FAM193A: variants seen among roughly 807,000 people sequenced by gnomAD.
The protein encoded by FAM193A is protein FAM193A.
FAM193A carries 22 observed loss-of-function variants against 126.5 expected under a neutral mutation model. That is an observed-to-expected ratio of 0.17 (90% confidence interval 0.12 to 0.25). FAM193A has a LOEUF of 0.25. Ranked by LOEUF, FAM193A falls within the 10% of genes least tolerant of loss-of-function variation. FAM193A has a pLI of 1.00. For missense variants in FAM193A, 1,675 were observed against 1,672.8 expected (o/e 1.00, Z -0.02); for synonymous variants, 761 against 646.8 (o/e 1.18, Z -2.68).
chr4:2,548,683 C>T (rs142810238), intron 1 of FAM193A, among the ~76,000 whole-genome samples: 98 of 151,916 alleles, frequency 6.5e-4, no homozygotes, highest in African/African-American at 2.2e-3. Flanking sequence ...TCTTGAACTT[C>T]TGACCTCAAG....
At chr4:2,601,739 T>A (rs1280021882) in intron 2 of FAM193A, among the ~76,000 whole-genome samples, 1 of 151,764 alleles carries the variant, frequency 6.6e-6, no homozygotes, top group African/African-American at 2.4e-5. Flanking sequence ...AAAAAAAAAA[T>A]TATAAACCAA....
At chr4:2,635,338 C>T (rs975869292) in intron 5 of FAM193A, among the ~76,000 whole-genome samples, 6 of 151,968 alleles carry the variant, frequency 3.9e-5, no homozygotes, top group East Asian at 1.9e-4. Context: ...TTTAGGACCC[C>T]GAAGTGTGCT....
intron 2 of FAM193A, among the ~76,000 whole-genome samples, chr4:2,604,731 A>G (rs532008694): frequency 6.1e-5 from 9 of 147,190 alleles, no homozygotes; most frequent in South Asian, 2.1e-4. Flanking sequence ...TGCAGTATAT[A>G]TAGAGGTAGA....
At chr4:2,689,051 T>C (rs1716067455) in intron 13 of FAM193A, among the ~76,000 whole-genome samples, 1 of 152,254 alleles carries the variant, frequency 6.6e-6, no homozygotes, top group Non-Finnish European at 1.5e-5. Context: ...CTCTAGGTCA[T>C]TAGATTTGTG....
At chr4:2,702,524 G>A (rs942428628) in intron 19 of FAM193A, among the ~76,000 whole-genome samples, 1 of 152,194 alleles carries the variant, frequency 6.6e-6, no homozygotes, top group Non-Finnish European at 1.5e-5. Context: ...AGCAGGAGGA[G>A]TGGGGGTGTG....
intron 2 of FAM193A, among the ~76,000 whole-genome samples, chr4:2,600,467 A>G (rs1741132437): frequency 6.6e-6 from 1 of 152,156 alleles, no homozygotes; most frequent in Non-Finnish European, 1.5e-5. Context: ...ACTGCAAACC[A>G]TGCATGGGCA....
At chr4:2,543,983 T>C (rs1409165336) in intron 1 of FAM193A, among the ~76,000 whole-genome samples, 1 of 151,898 alleles carries the variant, frequency 6.6e-6, no homozygotes, top group Non-Finnish European at 1.5e-5. Context: ...TATGGATCTT[T>C]GGGGTACATG....
In FAM193A at chr4:2,725,781, G is replaced by C. The variant is rs1157611335; in HGVS notation, c.4455-5994G>C. On this transcript the variant is annotated intron_variant, in intron 20 of 20. Transcript: ENST00000637812. ...GGCCGGAGTGCAGTGGTATGATCTT[G>C]GCTCACTGGACCCTTGACCTCCCAG... Among the ~76,000 whole-genome samples the C allele has an allele frequency of 3.3e-5, 5 of 151,488 alleles. No homozygotes were observed. In the East Asian group the frequency reaches 9.7e-4, roughly 29 times the overall value.
intron 1 of FAM193A, among the ~76,000 whole-genome samples, chr4:2,563,672 C>T (rs1424595527): frequency 6.6e-6 from 1 of 152,186 alleles, no homozygotes; most frequent in East Asian, 1.9e-4. Flanking sequence ...GCAAGCTCTT[C>T]ATTGGCCATG....
At chr4:2,565,739 AG>A (rs1738903280) in intron 1 of FAM193A, among the ~76,000 whole-genome samples, 1 of 152,206 alleles carries the variant, frequency 6.6e-6, no homozygotes, top group Non-Finnish European at 1.5e-5. Flanking sequence ...CTAATGGGTC[AG>A]CCTGAGACCT....
intron 1 of FAM193A, among the ~76,000 whole-genome samples, chr4:2,594,932 G>T (rs141519309): frequency 0.049 from 6,725 of 136,910 alleles, 503 homozygotes; most frequent in African/African-American, 0.17. Context: ...AGGTTCAAAC[G>T]ATTCTCCTGC....
At chr4:2,588,209 C>A (rs1439471489) in intron 1 of FAM193A, among the ~76,000 whole-genome samples, 1 of 152,244 alleles carries the variant, frequency 6.6e-6, no homozygotes, top group Non-Finnish European at 1.5e-5. Flanking sequence ...ATCTACTCCA[C>A]TGCTCCCCTT....
At chr4:2,678,569 G>A (rs1226645179) in intron 13 of FAM193A, among the ~76,000 whole-genome samples, 1 of 151,514 alleles carries the variant, frequency 6.6e-6, no homozygotes, top group Non-Finnish European at 1.5e-5. Flanking sequence ...CACCATGTTG[G>A]CCAGGCTGGT....
At chr4:2,597,540 G>A (rs1351567549) in intron 2 of FAM193A, among the ~76,000 whole-genome samples, 6 of 152,142 alleles carry the variant, frequency 3.9e-5, no homozygotes, top group African/African-American at 1.4e-4. Flanking sequence ...TCCCTGCAGT[G>A]CGTCTTGCCT....
chr4:2,543,033 A>G (rs1467774751), intron 1 of FAM193A, among the ~76,000 whole-genome samples: 1 of 152,022 alleles, frequency 6.6e-6, no homozygotes, highest in Non-Finnish European at 1.5e-5. Flanking sequence ...GGGAACCACA[A>G]ATTTGTTAGG....
Position 2,631,180 on chromosome 4 carries a change from A to G in FAM193A, c.1038+11A>G, listed in dbSNP as rs753444105. 3.8e-6 allele frequency: 6 copies of G among 1,591,022 alleles called. No individual in the cohort carries two copies. Among genetic ancestry groups the G allele is most frequent in the South Asian group, 1.1e-5 (1 of 89,128 alleles). On this transcript the variant is annotated intron_variant, in intron 5 of 20. Transcript: ENST00000637812. Reference sequence around the variant, plus strand: ...TTCCTTGGCACTCTGGTAAGAGAGAAAACGTGTTTTTCTTTCTGTTTGGAT... The same window carrying G: ...TTCCTTGGCACTCTGGTAAGAGAGAGAACGTGTTTTTCTTTCTGTTTGGAT...
At chr4:2,639,890 T>C in intron 6 of FAM193A, 31 bp downstream of exon 6, 2 of 1,604,138 alleles carry the variant, frequency 1.2e-6, no homozygotes, top group Non-Finnish European at 1.7e-6. Flanking sequence ...TGTGTCTTTG[T>C]GGTGTGACAG....
chr4:2,630,860 G>T (rs570232586), intron 4 of FAM193A, 75 bp from the exon 5 acceptor site: 1 of 821,260 alleles, frequency 1.2e-6, no homozygotes, highest in South Asian at 1.6e-5. Flanking sequence ...AAGGGCTTCA[G>T]AAAAGATGCT....
chr4:2,694,290 G>A (rs1337420098), intron 16 of FAM193A, among the ~76,000 whole-genome samples: 1 of 151,678 alleles, frequency 6.6e-6, no homozygotes, highest in Admixed American at 6.6e-5. Flanking sequence ...TTTTCTCTGA[G>A]ACAGAGTCTC....
Sources: allele counts gnomAD v4.1 joint callset (sites outside exome capture counted in the v4.1 genomes callset), GRCh38; gene constraint gnomAD v4.1.1; transcripts MANE v1.5; gene names NCBI Gene and HGNC (gene_info 2026-07-23, HGNC 2026-07-21).